KCNIP4: variants seen among roughly 807,000 people sequenced by gnomAD.
KCNIP4 encodes potassium voltage-gated channel interacting protein 4, also known as Kv channel-interacting protein 4.
In KCNIP4, 12 loss-of-function variants were observed where a neutral mutation model predicts 34.0. The observed-to-expected ratio is 0.35, with a 90% CI of 0.23 to 0.57. The LOEUF (loss-of-function observed/expected upper bound fraction) is 0.57, where lower values mean the gene tolerates loss of function less well. KCNIP4 is among the 20% of genes least tolerant of loss of function. The pLI is 0.83. For missense variants in KCNIP4, 238 were observed against 311.7 expected (o/e 0.76, Z 1.78); for synonymous variants, 124 against 102.2 (o/e 1.21, Z -1.29).
At chr4:21,402,719 T>A (rs1488593231) in intron 1 of KCNIP4, among the ~76,000 whole-genome samples, 2 of 151,802 alleles carry the variant, frequency 1.3e-5, no homozygotes, top group African/African-American at 4.8e-5. Flanking sequence ...TGGTCATAGA[T>A]GCACAACCAG....
chr4:21,803,511 G>GA (rs1405584109), intron 1 of KCNIP4, among the ~76,000 whole-genome samples: 1 of 58,266 alleles, frequency 1.7e-5, no homozygotes, highest in Non-Finnish European at 6.1e-5. Flanking sequence ...TCAGCTCTTT[G>GA]AAAAAAAGAT....
chr4:21,111,470 A>G (rs932563830), intron 1 of KCNIP4, among the ~76,000 whole-genome samples: 2 of 152,226 alleles, frequency 1.3e-5, no homozygotes, highest in African/African-American at 2.4e-5. Context: ...ACCATCTCCA[A>G]GTAAAACCCA....
At chr4:21,933,764 C>T (rs1294032429) in intron 1 of KCNIP4, among the ~76,000 whole-genome samples, 3 of 152,140 alleles carry the variant, frequency 2.0e-5, no homozygotes, top group South Asian at 4.1e-4. Flanking sequence ...TAAGTACTTG[C>T]TAATTTAATA....
chr4:21,187,579 T>C (rs906482847), intron 1 of KCNIP4, among the ~76,000 whole-genome samples: 43 of 152,180 alleles, frequency 2.8e-4, no homozygotes, highest in African/African-American at 9.4e-4. Flanking sequence ...AATGGGGTTT[T>C]GATTACTTGA....
chr4:21,071,142 G>A (rs1402813157), intron 1 of KCNIP4, among the ~76,000 whole-genome samples: 1 of 152,010 alleles, frequency 6.6e-6, no homozygotes, highest in Non-Finnish European at 1.5e-5. Flanking sequence ...ATTTTTTCTT[G>A]TATGGATCAT....
At chr4:21,454,813 A>T (rs910287540) in intron 1 of KCNIP4, among the ~76,000 whole-genome samples, 8 of 152,116 alleles carry the variant, frequency 5.3e-5, no homozygotes, top group African/African-American at 1.9e-4. Context: ...CCACTAAAAA[A>T]ATTCTTTTGG....
At chr4:21,731,101 T>TCTC in intron 1 of KCNIP4, among the ~76,000 whole-genome samples, 1 of 127,866 alleles carries the variant, frequency 7.8e-6, no homozygotes, top group South Asian at 2.7e-4. Context: ...GCAACTGAAG[T>TCTC]AAGAACCTGT....
chr4:21,931,316 G>A (rs560376816), intron 1 of KCNIP4, among the ~76,000 whole-genome samples: 5 of 150,226 alleles, frequency 3.3e-5, no homozygotes, highest in South Asian at 2.1e-4. Flanking sequence ...TGTGTACAAC[G>A]TGCAGGTTTG....
At chr4:21,040,964 A>AG (rs965090748) in intron 1 of KCNIP4, among the ~76,000 whole-genome samples, 2 of 151,168 alleles carry the variant, frequency 1.3e-5, no homozygotes, top group Non-Finnish European at 2.9e-5. Context: ...TAAAAAAAAA[A>AG]AAACATAAAA....
At chr4:21,001,884 C>T (rs746363725) in intron 1 of KCNIP4, among the ~76,000 whole-genome samples, 6 of 152,168 alleles carry the variant, frequency 3.9e-5, no homozygotes, top group Non-Finnish European at 7.4e-5. Context: ...TGGAACCTCT[C>T]GTTCCTTCTC....
At chr4:21,459,588 C>T (rs933156766) in intron 1 of KCNIP4, among the ~76,000 whole-genome samples, 12 of 152,000 alleles carry the variant, frequency 7.9e-5, no homozygotes, top group African/African-American at 2.7e-4. Flanking sequence ...CTCATACATC[C>T]AATTGCCTGC....
At chr4:20,988,861 G>C (rs1736829153) in intron 1 of KCNIP4, among the ~76,000 whole-genome samples, 1 of 152,188 alleles carries the variant, frequency 6.6e-6, no homozygotes, top group Non-Finnish European at 1.5e-5. Flanking sequence ...TCTTTGTAAA[G>C]TATTCCCTTC....
chr4:21,198,225 C>T (rs1756199269), intron 1 of KCNIP4, among the ~76,000 whole-genome samples: 1 of 152,170 alleles, frequency 6.6e-6, no homozygotes, highest in Admixed American at 6.5e-5. Flanking sequence ...TTTCTAAACT[C>T]TCCATGGAGC....
At chr4:21,792,022 A>C (rs1456045586) in intron 1 of KCNIP4, among the ~76,000 whole-genome samples, 1 of 149,372 alleles carries the variant, frequency 6.7e-6, no homozygotes, top group African/African-American at 2.5e-5. Flanking sequence ...AAAAAAAAAA[A>C]AAAAAAACCT....
chr4:21,697,235 C>A (rs1053154161), intron 1 of KCNIP4: 1 of 1,267,576 alleles, frequency 7.9e-7, no homozygotes, highest in Non-Finnish European at 9.9e-7. Context: ...ATTTTATTGA[C>A]AACATTAAAA....
intron 1 of KCNIP4, among the ~76,000 whole-genome samples, chr4:21,265,850 A>T (rs796539459): frequency 5.3e-5 from 8 of 152,358 alleles, no homozygotes; most frequent in African/African-American, 1.9e-4. Flanking sequence ...CTGAAGAAAC[A>T]ATTACATATT....
intron 1 of KCNIP4, chr4:21,851,747 C>T (rs149073126): frequency 1.1e-3 from 168 of 152,156 alleles, no homozygotes; most frequent in African/African-American, 3.9e-3. Flanking sequence ...ATACCACGTA[C>T]ACTAATAATA....
At chr4:21,566,070 TC>T (rs1739857195) in intron 1 of KCNIP4, among the ~76,000 whole-genome samples, 1 of 152,132 alleles carries the variant, frequency 6.6e-6, no homozygotes. Flanking sequence ...GGAGCAACAG[TC>T]ACATACAGGA....
chr4:21,243,546 G>T (rs1389302672), intron 1 of KCNIP4, among the ~76,000 whole-genome samples: 1 of 152,146 alleles, frequency 6.6e-6, no homozygotes, highest in Non-Finnish European at 1.5e-5. Flanking sequence ...TTAGAATGGG[G>T]CATGGAGGTT....
Sources: gnomAD v4.1 joint callset for allele counts (sites outside exome capture counted in the v4.1 genomes callset) on GRCh38, gnomAD v4.1.1 for gene constraint, MANE v1.5 for transcripts, NCBI Gene and HGNC (gene_info 2026-07-23, HGNC 2026-07-21) for gene names.